DPP6: variants seen among roughly 807,000 people sequenced by gnomAD.
DPP6 encodes dipeptidyl peptidase like 6.
In DPP6, 69 loss-of-function variants were observed where a neutral mutation model predicts 122.6. The observed-to-expected ratio is 0.56, with a 90% CI of 0.46 to 0.69. The LOEUF (loss-of-function observed/expected upper bound fraction) is 0.69, where lower values mean the gene tolerates loss of function less well. Among genes scored for constraint, DPP6 ranks in the 30% least tolerant of loss-of-function variants. The probability of loss-of-function intolerance (pLI) is 0.00; values close to 1 mark genes in which losing one functional copy is unlikely to be tolerated. For synonymous variants in DPP6, 418 were observed against 433.1 expected, an observed-to-expected ratio of 0.97 and a Z score of 0.43; for missense variants, 928 against 1,116.9, an observed-to-expected ratio of 0.83 and a Z score of 2.41.
intron 3 of DPP6, among the ~76,000 whole-genome samples, chr7:154,535,087 C>A (rs937554716): frequency 1.3e-5 from 2 of 149,836 alleles, no homozygotes; most frequent in African/African-American, 2.4e-5. Context: ...TCATTTTTGA[C>A]AAAAAAAAAT....
chr7:154,879,471 TC>T (rs1805173615), intron 20 of DPP6, among the ~76,000 whole-genome samples: 1 of 131,578 alleles, frequency 7.6e-6, no homozygotes, highest in Admixed American at 8.2e-5. Flanking sequence ...GCACCTGTAG[TC>T]CCAGCTACTC....
intron 3 of DPP6, among the ~76,000 whole-genome samples, chr7:154,494,414 A>G (rs1008321703): frequency 1.2e-4 from 18 of 148,518 alleles, no homozygotes; most frequent in Non-Finnish European, 2.4e-4. Flanking sequence ...ATATGATAAC[A>G]TATATTTATA....
chr7:153,836,660 T>G, the DPP6 span, among the ~76,000 whole-genome samples: 1 of 152,236 alleles, frequency 6.6e-6, no homozygotes, highest in Non-Finnish European at 1.5e-5. Flanking sequence ...TCTCTCAATA[T>G]TTTTCATAAA....
intron 18 of DPP6, among the ~76,000 whole-genome samples, chr7:154,871,335 G>A (rs1804379743): frequency 6.6e-6 from 1 of 152,238 alleles, no homozygotes; most frequent in South Asian, 2.1e-4. Flanking sequence ...GATGCCAGGA[G>A]AGGATGTGGG....
chr7:153,966,736 G>A (rs1378071260), intron 1 of DPP6, among the ~76,000 whole-genome samples: 5 of 151,910 alleles, frequency 3.3e-5, no homozygotes, highest in Non-Finnish European at 5.9e-5. Context: ...GTAGAAGTAT[G>A]GAACAAAATG....
At chr7:154,195,547 G>A (rs1368455099) in intron 1 of DPP6, among the ~76,000 whole-genome samples, 2 of 152,208 alleles carry the variant, frequency 1.3e-5, no homozygotes, top group Non-Finnish European at 2.9e-5. Context: ...ATGCTCTTCT[G>A]TGGCACTGAT....
chr7:154,768,299 C>T (rs1796034507), intron 8 of DPP6, among the ~76,000 whole-genome samples: 1 of 152,242 alleles, frequency 6.6e-6, no homozygotes, highest in Non-Finnish European at 1.5e-5. Flanking sequence ...GGGCAGTCAG[C>T]CCTTGGCTTC....
At chr7:154,776,433 C>A (rs973944197) in intron 10 of DPP6, among the ~76,000 whole-genome samples, 1 of 152,136 alleles carries the variant, frequency 6.6e-6, no homozygotes, top group Non-Finnish European at 1.5e-5. Flanking sequence ...CCCTGATAAC[C>A]ACATTTCACA....
At chr7:153,924,670 T>C (rs968468025) in intron 1 of DPP6, among the ~76,000 whole-genome samples, 4 of 152,164 alleles carry the variant, frequency 2.6e-5, no homozygotes, top group African/African-American at 7.2e-5. Context: ...TGGCGGTTGG[T>C]CTTTGATGCC....
At chr7:154,737,260 G>A (rs989445207) in intron 8 of DPP6, among the ~76,000 whole-genome samples, 3 of 152,174 alleles carry the variant, frequency 2.0e-5, no homozygotes, top group African/African-American at 7.2e-5. Flanking sequence ...TCGGGAGACT[G>A]GTTCCAGGAA....
At chr7:153,905,657 AAAATT>A (rs888874432) in intron 1 of DPP6, among the ~76,000 whole-genome samples, 10 of 152,190 alleles carry the variant, frequency 6.6e-5, no homozygotes, top group African/African-American at 2.4e-4. Context: ...AAAGAGAAAA[AAAATT>A]AAATGAAATG....
chr7:154,195,298 A>G (rs1488920878), intron 1 of DPP6, among the ~76,000 whole-genome samples: 2 of 152,198 alleles, frequency 1.3e-5, no homozygotes, highest in African/African-American at 4.8e-5. Flanking sequence ...TTGCAAAGCC[A>G]CACTTCCAAC....
At chr7:154,244,950 A>ATT (rs1801874982) in intron 1 of DPP6, among the ~76,000 whole-genome samples, 1 of 133,178 alleles carries the variant, frequency 7.5e-6, no homozygotes, top group African/African-American at 2.7e-5. Flanking sequence ...ATCTAAAGGG[A>ATT]CTTTTTTTTT....
chr7:153,805,449 CGTTT>C, the DPP6 span, among the ~76,000 whole-genome samples: 31 of 152,270 alleles, frequency 2.0e-4, no homozygotes, highest in African/African-American at 6.7e-4. Context: ...AGAGTGGCAA[CGTTT>C]GTTTAAAATA....
At chr7:153,976,551 C>T (rs2531125) in intron 1 of DPP6, among the ~76,000 whole-genome samples, 1 of 152,044 alleles carries the variant, frequency 6.6e-6, no homozygotes, top group Non-Finnish European at 1.5e-5. Flanking sequence ...TGTATTTTGC[C>T]AAAAACAGTA....
chr7:153,996,103 G>A (rs1797420935), intron 1 of DPP6, among the ~76,000 whole-genome samples: 1 of 152,082 alleles, frequency 6.6e-6, no homozygotes, highest in African/African-American at 2.4e-5. Context: ...GTTAACAGAT[G>A]GCACTGACTC....
chr7:153,884,808 C>T (rs926000943), upstream of DPP6, among the ~76,000 whole-genome samples: 4 of 151,608 alleles, frequency 2.6e-5, no homozygotes, highest in East Asian at 1.9e-4. Context: ...GGTGAAACCC[C>T]GTCTCTATTA....
the DPP6 span, among the ~76,000 whole-genome samples, chr7:153,791,306 C>T: frequency 5.8e-5 from 7 of 120,112 alleles, no homozygotes; most frequent in South Asian, 3.1e-4. Context: ...TTAATCTTAT[C>T]GATAGATTTT....
chr7:154,129,056 C>G (rs554598568), intron 1 of DPP6, among the ~76,000 whole-genome samples: 1 of 152,026 alleles, frequency 6.6e-6, no homozygotes, highest in Non-Finnish European at 1.5e-5. Context: ...AACCCACCAC[C>G]CCCCGACACA....
Sources: gnomAD v4.1 joint callset for allele counts (sites outside exome capture counted in the v4.1 genomes callset) on GRCh38, gnomAD v4.1.1 for gene constraint, MANE v1.5 for transcripts, NCBI Gene and HGNC (gene_info 2026-07-23, HGNC 2026-07-21) for gene names.